GARIN1B: variants seen among roughly 807,000 people sequenced by gnomAD.
GARIN1B encodes golgi associated RAB2 interactor 1B.
chr7:128,719,326 TCCA>T, the GARIN1B span, among the ~76,000 whole-genome samples: 1 of 152,056 alleles, frequency 6.6e-6, no homozygotes, highest in African/African-American at 2.4e-5. Context: ...TTTTATAAAA[TCCA>T]CCATTGTGGA....
chr7:128,726,968 T>C, the GARIN1B span: 1 of 1,064,684 alleles, frequency 9.4e-7, no homozygotes. Flanking sequence ...GTCCTGGTGC[T>C]GTCAGTATTG....
the GARIN1B span, among the ~76,000 whole-genome samples, chr7:128,709,782 C>T: frequency 7.5e-6 from 1 of 134,150 alleles, no homozygotes; most frequent in Non-Finnish European, 1.6e-5. Context: ...GACGGAGTCT[C>T]ACCCTGTCAC....
chr7:128,725,586 G>A, the GARIN1B span, among the ~76,000 whole-genome samples: 1 of 152,124 alleles, frequency 6.6e-6, no homozygotes, highest in African/African-American at 2.4e-5. Flanking sequence ...TGGCCAGGCT[G>A]GTCTCAAACT....
chr7:128,722,682 T>C, the GARIN1B span, among the ~76,000 whole-genome samples: 1 of 151,992 alleles, frequency 6.6e-6, no homozygotes, highest in Non-Finnish European at 1.5e-5. Context: ...CAGACACCTG[T>C]AGTCCTAGCT....
the GARIN1B span, among the ~76,000 whole-genome samples, chr7:128,713,208 G>A: frequency 1.2e-4 from 19 of 152,016 alleles, no homozygotes; most frequent in Non-Finnish European, 1.5e-4. Flanking sequence ...TCGGGAGGCT[G>A]AGGCAGGAGA....
the GARIN1B span, chr7:128,716,946 A>C: frequency 2.1e-5 from 34 of 1,614,024 alleles, 1 homozygote; most frequent in South Asian, 3.7e-4. Flanking sequence ...CACCAGGGGC[A>C]GAACCAGACA....
the GARIN1B span, chr7:128,715,292 C>A: frequency 6.9e-7 from 1 of 1,454,146 alleles, no homozygotes; most frequent in Admixed American, 2.8e-5. Context: ...ACTTCCCCTT[C>A]CTGCAGGTCT....
the GARIN1B span, chr7:128,723,050 C>A: frequency 1.1e-6 from 1 of 904,740 alleles, no homozygotes; most frequent in Non-Finnish European, 1.6e-6. Context: ...AAAAATATGG[C>A]CTCAGAATTG....
At chr7:128,718,213 G>A in the GARIN1B span, among the ~76,000 whole-genome samples, 653 of 152,124 alleles carry the variant, frequency 4.3e-3, 3 homozygotes, top group African/African-American at 0.015. Context: ...CAGGTGGATC[G>A]CCTAAGGTCA....
the GARIN1B span, among the ~76,000 whole-genome samples, chr7:128,709,701 T>C: frequency 6.6e-6 from 1 of 150,564 alleles, no homozygotes; most frequent in Admixed American, 6.6e-5. Context: ...GGTTTTCCAG[T>C]GGAAACCAGA....
At chr7:128,723,216 A>G in the GARIN1B span, 2 of 1,611,956 alleles carry the variant, frequency 1.2e-6, no homozygotes, top group South Asian at 1.1e-5. Context: ...AAGAAACTCC[A>G]AGCCTCCCAG....
chr7:128,716,897 C>T, the GARIN1B span: 1 of 1,613,906 alleles, frequency 6.2e-7, no homozygotes, highest in South Asian at 1.1e-5. Flanking sequence ...ACCCTGCCTG[C>T]CCCTCCCCAA....
the GARIN1B span, chr7:128,723,304 G>T: frequency 6.2e-7 from 1 of 1,612,432 alleles, no homozygotes; most frequent in Non-Finnish European, 8.5e-7. Flanking sequence ...ACTTACACCA[G>T]CAGAACCAGT....
the GARIN1B span, chr7:128,717,006 T>C: frequency 6.3e-7 from 1 of 1,599,224 alleles, no homozygotes; most frequent in Non-Finnish European, 8.5e-7. Context: ...AGGTGAGCAA[T>C]GCAGATGAGA....
At chr7:128,719,452 T>C in the GARIN1B span, among the ~76,000 whole-genome samples, 1 of 151,672 alleles carries the variant, frequency 6.6e-6, no homozygotes, top group African/African-American at 2.4e-5. Context: ...CCCTAAAAAA[T>C]ACCCCCTCGC....
At chr7:128,716,493 ATT>A in the GARIN1B span, among the ~76,000 whole-genome samples, 5 of 152,304 alleles carry the variant, frequency 3.3e-5, no homozygotes, top group Admixed American at 3.3e-4. Flanking sequence ...TGGTTGAAAT[ATT>A]GTTTAAATAC....
chr7:128,726,961 C>G, the GARIN1B span: 2 of 1,170,380 alleles, frequency 1.7e-6, no homozygotes, highest in Non-Finnish European at 2.5e-6. Flanking sequence ...CCTGGTTGTC[C>G]TGGTGCTGTC....
At chr7:128,709,750 C>CTGACTT in the GARIN1B span, among the ~76,000 whole-genome samples, 1 of 114,618 alleles carries the variant, frequency 8.7e-6, no homozygotes, top group African/African-American at 3.5e-5. Flanking sequence ...CTCTCTCTCT[C>CTGACTT]TTTTTTTTTT....
At chr7:128,714,147 G>T in the GARIN1B span, 1 of 1,535,660 alleles carries the variant, frequency 6.5e-7, no homozygotes, top group Admixed American at 2.0e-5. Flanking sequence ...GAGCCTCCAG[G>T]CCCTTTAGGC....
Sources: gnomAD v4.1 joint callset for allele counts (sites outside exome capture counted in the v4.1 genomes callset) on GRCh38, gnomAD v4.1.1 for gene constraint, MANE v1.5 for transcripts, NCBI Gene and HGNC (gene_info 2026-07-23, HGNC 2026-07-21) for gene names.